Variants in SIPA1L1 observed in about 807,000 individuals in gnomAD.
SIPA1L1 encodes the protein signal induced proliferation associated 1 like 1.
A neutral mutation model predicts 162.7 loss-of-function variants in SIPA1L1; 26 were observed. The observed-to-expected ratio is 0.16, with a 90% CI of 0.12 to 0.22. SIPA1L1 has a LOEUF of 0.22. SIPA1L1 is among the 10% of genes least tolerant of loss of function. SIPA1L1 has a pLI of 1.00. For missense variants in SIPA1L1, 1,874 were observed against 2,241.0 expected, an observed-to-expected ratio of 0.84 and a Z score of 3.31; for synonymous variants, 829 against 837.4, an observed-to-expected ratio of 0.99 and a Z score of 0.17.
chr14:71,516,600 T>G (rs972519749), intron 3 of SIPA1L1, among the ~76,000 whole-genome samples: 7 of 152,176 alleles, frequency 4.6e-5, no homozygotes, highest in Non-Finnish European at 8.8e-5. Flanking sequence ...TTGCCCAGGC[T>G]GGGCTCAAGC....
intron 17 of SIPA1L1, among the ~76,000 whole-genome samples, chr14:71,722,128 G>T (rs753331375): frequency 6.6e-6 from 1 of 152,210 alleles, no homozygotes; most frequent in Non-Finnish European, 1.5e-5. Context: ...TGCCAGGGGT[G>T]GGGGAGGGAG....
chr14:71,556,931 CTT>C (rs1193386523), intron 4 of SIPA1L1, among the ~76,000 whole-genome samples: 3 of 151,960 alleles, frequency 2.0e-5, no homozygotes, highest in Admixed American at 2.0e-4. Flanking sequence ...GAATGAGTGT[CTT>C]TTGATCCACA....
chr14:71,404,459 G>A (rs1368863558), intron 2 of SIPA1L1, among the ~76,000 whole-genome samples: 1 of 152,118 alleles, frequency 6.6e-6, no homozygotes, highest in Non-Finnish European at 1.5e-5. Context: ...TAGGAGAATC[G>A]CTTGAACCCA....
chr14:71,383,572 C>G (rs574120346), intron 2 of SIPA1L1, among the ~76,000 whole-genome samples: 2 of 152,214 alleles, frequency 1.3e-5, no homozygotes, highest in Admixed American at 6.5e-5. Flanking sequence ...GCTTAATTAG[C>G]TCATGGTTCT....
At position 71,587,646 on chromosome 14, in the gene SIPA1L1, T is replaced by C. The variant is rs563017988; in HGVS notation, c.-227T>C. 1 of 470,496 alleles carries C rather than the reference T, an allele frequency of 2.1e-6. No homozygotes were observed. The highest frequency in any genetic ancestry group is 3.7e-6 in the Non-Finnish European group (1 of 268,570). 29.1% of individuals were successfully genotyped at this position (470,496 alleles called of 1,614,324 possible). ...TTCAGTTTTTTCTGAAAGAAAGCCC[T>C]CTGTTAAAGTGAAGCAAAGAAACTG... On this transcript the variant is annotated 5_prime_UTR_variant, in exon 5 of 24. Coordinates refer to ENST00000381232, the MANE Select transcript of SIPA1L1 (RefSeq NM_001386936.1).
At chr14:71,587,245 A>G (rs1408407806) in intron 4 of SIPA1L1, among the ~76,000 whole-genome samples, 1 of 152,182 alleles carries the variant, frequency 6.6e-6, no homozygotes, top group Non-Finnish European at 1.5e-5. Flanking sequence ...TTTAGAGGTC[A>G]TTGGAGCAAA....
At chr14:71,737,024 G>C (rs1241212261) in intron 22 of SIPA1L1, among the ~76,000 whole-genome samples, 1 of 152,168 alleles carries the variant, frequency 6.6e-6, no homozygotes, top group Non-Finnish European at 1.5e-5. Flanking sequence ...GGACCAGCCT[G>C]CCGTACCATA....
chr14:71,683,376 A>G (rs998633043), intron 12 of SIPA1L1, among the ~76,000 whole-genome samples: 2 of 152,254 alleles, frequency 1.3e-5, no homozygotes, highest in Non-Finnish European at 2.9e-5. Flanking sequence ...AAGTTAGAAC[A>G]AGAGCATTGC....
At position 71,567,456 on chromosome 14, in the gene SIPA1L1, AT is replaced by A. The variant is rs572759563; in HGVS notation, c.-302-20104del. On this transcript the variant is annotated intron_variant, in intron 4 of 23. Coordinates refer to ENST00000381232, the MANE Select transcript of SIPA1L1 (RefSeq NM_001386936.1). The stretch of plus-strand genomic sequence containing the variant: ...GCAACGTGGAGAAATCTTGATAGTA[AT>A]TTTTTTTTTTAAAGTGAGGGAAAGT... Among the ~76,000 whole-genome samples, 75 of 149,728 alleles carry A rather than the reference AT, an allele frequency of 5.0e-4. No individual in the cohort carries two copies. The East Asian group carries it at 6.6e-3, about 13-fold the overall frequency.
rs535403583 is a variant in SIPA1L1 at position 71,470,275 on chromosome 14, G to A, written c.-464-42468G>A. The stretch of plus-strand genomic sequence containing the variant: ...AGAAATTTATAGTAGATCCTGATAC[G>A]GACACGTTTGCAAAAGAAAGAAGCA... On this transcript the variant is annotated intron_variant, in intron 2 of 23. Coordinates refer to ENST00000381232, the MANE Select transcript of SIPA1L1 (RefSeq NM_001386936.1). Among the ~76,000 whole-genome samples, 3 of 152,202 alleles carry A rather than the reference G, an allele frequency of 2.0e-5. No individual in the cohort carries two copies. In the South Asian group the frequency reaches 6.2e-4, roughly 32 times the overall value.
intron 17 of SIPA1L1, among the ~76,000 whole-genome samples, chr14:71,723,156 A>G (rs1237792226): frequency 6.6e-6 from 1 of 152,192 alleles, no homozygotes; most frequent in Non-Finnish European, 1.5e-5. Flanking sequence ...GGGAAGGAGC[A>G]CTCACTGTGC....
chr14:71,479,937 C>A (rs768063866), intron 2 of SIPA1L1, among the ~76,000 whole-genome samples: 1 of 151,914 alleles, frequency 6.6e-6, no homozygotes, highest in Admixed American at 6.6e-5. Context: ...CAAGCCCTTA[C>A]TATATTGTCC....
chr14:71,441,119 T>C (rs912429273), intron 2 of SIPA1L1, among the ~76,000 whole-genome samples: 1 of 152,246 alleles, frequency 6.6e-6, no homozygotes, highest in Admixed American at 6.5e-5. Context: ...TTTCAGCATC[T>C]TGTTACCTTG....
At chr14:71,347,544 GCTT>G (rs2140520382) in intron 2 of SIPA1L1, among the ~76,000 whole-genome samples, 2 of 152,188 alleles carry the variant, frequency 1.3e-5, no homozygotes, top group South Asian at 4.1e-4. Context: ...GTAACTCTAT[GCTT>G]AGTAACTCTA....
intron 2 of SIPA1L1, among the ~76,000 whole-genome samples, chr14:71,454,576 G>A (rs1418373927): frequency 6.6e-6 from 1 of 152,176 alleles, no homozygotes; most frequent in African/African-American, 2.4e-5. Flanking sequence ...GAAGGCTTCT[G>A]CTTTCTGGAG....
intron 2 of SIPA1L1, among the ~76,000 whole-genome samples, chr14:71,420,475 GT>G (rs2043105890): frequency 6.6e-6 from 1 of 152,184 alleles, no homozygotes; most frequent in Admixed American, 6.5e-5. Flanking sequence ...ACTCATCTTT[GT>G]TGTGTAAAAT....
intron 4 of SIPA1L1, among the ~76,000 whole-genome samples, chr14:71,550,639 G>A (rs539548135): frequency 4.4e-4 from 67 of 151,990 alleles, no homozygotes; most frequent in Admixed American, 9.2e-4. Flanking sequence ...ATGTTATCTA[G>A]TTGCATGACT....
intron 2 of SIPA1L1, among the ~76,000 whole-genome samples, chr14:71,383,679 G>C (rs1168404170): frequency 2.6e-5 from 4 of 152,140 alleles, no homozygotes; most frequent in Non-Finnish European, 5.9e-5. Flanking sequence ...AGGAGAAGGG[G>C]TGGTGGGGGA....
chr14:71,367,163 C>T (rs561025209), intron 2 of SIPA1L1, among the ~76,000 whole-genome samples: 23 of 152,136 alleles, frequency 1.5e-4, no homozygotes, highest in Middle Eastern at 3.4e-3. Context: ...AGCATGTCTT[C>T]GATCATTCCA....
Sources: allele counts gnomAD v4.1 joint callset (sites outside exome capture counted in the v4.1 genomes callset), GRCh38; gene constraint gnomAD v4.1.1; transcripts MANE v1.5; gene names NCBI Gene and HGNC (gene_info 2026-07-23, HGNC 2026-07-21).